Variants in ANKRD44 observed in about 807,000 individuals in gnomAD.
The protein encoded by ANKRD44 is serine/threonine-protein phosphatase 6 regulatory ankyrin repeat subunit B.
A neutral mutation model predicts 116.0 loss-of-function variants in ANKRD44; 35 were observed. That is an observed-to-expected ratio of 0.30 (90% confidence interval 0.23 to 0.40). The LOEUF is 0.40. Ranked by LOEUF, ANKRD44 falls within the 10% of genes least tolerant of loss-of-function variation. The probability of loss-of-function intolerance (pLI) is 1.00; values close to 1 mark genes in which losing one functional copy is unlikely to be tolerated. For synonymous variants in ANKRD44, 435 were observed against 461.8 expected, an observed-to-expected ratio of 0.94 and a Z score of 0.74; for missense variants, 1,014 against 1,242.6, an observed-to-expected ratio of 0.82 and a Z score of 2.77.
intron 16 of ANKRD44, among the ~76,000 whole-genome samples, chr2:197,069,740 C>A (rs1463498448): frequency 1.3e-5 from 2 of 152,022 alleles, no homozygotes; most frequent in African/African-American, 4.8e-5. Flanking sequence ...CTTTCTAGTT[C>A]TTTTGCTATT....
At chr2:197,031,387 G>C (rs989410433) in intron 16 of ANKRD44, among the ~76,000 whole-genome samples, 15 of 152,134 alleles carry the variant, frequency 9.9e-5, no homozygotes, top group Non-Finnish European at 4.4e-5. Flanking sequence ...TACCTAGGCT[G>C]GAGTGCAGAG....
At chr2:196,976,617 A>T (rs1219480839) in intron 21 of ANKRD44, among the ~76,000 whole-genome samples, 1 of 152,198 alleles carries the variant, frequency 6.6e-6, no homozygotes, top group African/African-American at 2.4e-5. Flanking sequence ...CTGTAATCCC[A>T]GCACTTTGGG....
chr2:197,008,818 G>A, intron 19 of ANKRD44, 126 bp downstream of exon 19: 1 of 801,418 alleles, frequency 1.2e-6, no homozygotes, highest in East Asian at 2.5e-5. Context: ...TTGTGTATTG[G>A]TCCTGGTCCA....
intron 1 of ANKRD44, among the ~76,000 whole-genome samples, chr2:197,285,466 G>A (rs2083381956): frequency 6.6e-6 from 1 of 152,136 alleles, no homozygotes; most frequent in African/African-American, 2.4e-5. Flanking sequence ...GCCAAACTAT[G>A]GGAAATATTC....
intron 2 of ANKRD44, among the ~76,000 whole-genome samples, chr2:197,161,547 T>C (rs559827752): frequency 6.6e-6 from 1 of 152,248 alleles, no homozygotes; most frequent in East Asian, 1.9e-4. Context: ...AAATCTCAAA[T>C]ACTCATATAC....
intron 3 of ANKRD44, 105 bp from the exon 4 acceptor site, chr2:197,136,767 C>T: frequency 1.1e-6 from 1 of 904,610 alleles, no homozygotes; most frequent in Admixed American, 2.0e-5. Context: ...ACATAACCAC[C>T]ACCTCTTCTT....
intron 27 of ANKRD44, 118 bp from the exon 28 acceptor site, chr2:196,989,767 C>CGG: frequency 6.7e-7 from 1 of 1,494,318 alleles, no homozygotes; most frequent in South Asian, 1.3e-5. Flanking sequence ...TTTTTTTGTT[C>CGG]CTTTTTGCAG....
At chr2:197,259,430 A>G (rs540096339) in intron 1 of ANKRD44, among the ~76,000 whole-genome samples, 87 of 152,310 alleles carry the variant, frequency 5.7e-4, no homozygotes, top group African/African-American at 2.1e-3. Flanking sequence ...TTAAAAATCC[A>G]GTTTTGAGAC....
intron 2 of ANKRD44, among the ~76,000 whole-genome samples, 173 bp downstream of exon 2, chr2:197,186,850 T>C (rs183109413): frequency 5.9e-5 from 9 of 152,150 alleles, no homozygotes; most frequent in Admixed American, 5.2e-4. Flanking sequence ...AATAACTGAT[T>C]TCCATTGTAA....
At chr2:197,085,822 C>G (rs558302693) in intron 13 of ANKRD44, among the ~76,000 whole-genome samples, 39 of 152,272 alleles carry the variant, frequency 2.6e-4, no homozygotes, top group African/African-American at 9.4e-4. Flanking sequence ...TTTCACTTTA[C>G]TCTATGGACT....
At chr2:197,171,401 C>G (rs2080230927) in intron 2 of ANKRD44, among the ~76,000 whole-genome samples, 1 of 152,024 alleles carries the variant, frequency 6.6e-6, no homozygotes, top group African/African-American at 2.4e-5. Context: ...AGTGGTTATG[C>G]TAGAATGTCT....
intron 27 of ANKRD44, chr2:196,990,546 G>A (rs2075897652): frequency 1.4e-5 from 17 of 1,229,386 alleles, no homozygotes; most frequent in Non-Finnish European, 1.6e-5. Flanking sequence ...GCCCTCCCTC[G>A]ATTAATTCCT....
chr2:197,095,223 A>G (rs1202211162), intron 10 of ANKRD44, among the ~76,000 whole-genome samples: 1 of 152,208 alleles, frequency 6.6e-6, no homozygotes, highest in African/African-American at 2.4e-5. Flanking sequence ...GTGGCCCTTT[A>G]TCACCACATA....
chr2:196,967,578 A>C (rs546828822), intron 21 of ANKRD44: 19 of 370,290 alleles, frequency 5.1e-5, no homozygotes, highest in East Asian at 4.4e-4. Flanking sequence ...TGCTCAAGTA[A>C]GGAAAATATT....
At chr2:197,309,421 A>T (rs541749830) in intron 1 of ANKRD44, among the ~76,000 whole-genome samples, 4 of 152,284 alleles carry the variant, frequency 2.6e-5, no homozygotes, top group Admixed American at 6.5e-5. Flanking sequence ...AAAACAAGCT[A>T]AAAAAATTGA....
intron 19 of ANKRD44, among the ~76,000 whole-genome samples, 175 bp downstream of exon 19, chr2:197,008,769 T>C (rs952163548): frequency 6.6e-6 from 1 of 152,188 alleles, no homozygotes; most frequent in African/African-American, 2.4e-5. Context: ...TCCTTCATGC[T>C]TTTCTTGGAT....
rs2075862326 is a variant in ANKRD44, at chr2:196,988,280, G to A, written c.*1311C>T. 1.0e-6 allele frequency: 1 copy of A among 985,266 alleles called. No homozygotes were observed. The highest frequency in any genetic ancestry group is 1.2e-6 in the Non-Finnish European group (1 of 829,940). The allele number at this position is 985,266 out of a possible 1,614,324, so 61.0% of individuals were successfully genotyped here. A position where few individuals can be genotyped will look rare whatever the true frequency, so the allele number is the denominator to read the frequency against. ...AGAAAAAGACACCGCAGCATATTGTGCTTCTTCAACACTGAACCTCTCTTA... is the reference window on the plus strand; with the variant it reads ...AGAAAAAGACACCGCAGCATATTGTACTTCTTCAACACTGAACCTCTCTTA... On this transcript the variant is annotated 3_prime_UTR_variant, in exon 28 of 28. Coordinates refer to ENST00000282272, the MANE Select transcript of ANKRD44 (RefSeq NM_001195144.2).
At chr2:197,255,058 T>A (rs1050323673) in intron 1 of ANKRD44, among the ~76,000 whole-genome samples, 3 of 152,184 alleles carry the variant, frequency 2.0e-5, no homozygotes, top group Admixed American at 2.0e-4. Flanking sequence ...AGATTCCCTG[T>A]CCAGAGAATG....
chr2:197,291,941 G>A (rs1202033748), intron 1 of ANKRD44, among the ~76,000 whole-genome samples: 1 of 152,034 alleles, frequency 6.6e-6, no homozygotes, highest in Non-Finnish European at 1.5e-5. Context: ...TTCTGTCCCT[G>A]TGATAGTTTG....
Sources: allele counts gnomAD v4.1 joint callset (sites outside exome capture counted in the v4.1 genomes callset), GRCh38; gene constraint gnomAD v4.1.1; transcripts MANE v1.5; gene names NCBI Gene and HGNC (gene_info 2026-07-23, HGNC 2026-07-21).